Variants in PDS5B observed in about 807,000 individuals in gnomAD.
PDS5B encodes the protein sister chromatid cohesion protein PDS5 homolog B.
PDS5B carries 51 observed loss-of-function variants against 184.1 expected under a neutral mutation model. The observed-to-expected ratio is 0.28, with a 90% CI of 0.22 to 0.35. The LOEUF is 0.35. Ranked by LOEUF, PDS5B falls within the 10% of genes least tolerant of loss-of-function variation. PDS5B has a pLI of 1.00. For synonymous variants in PDS5B, 566 were observed against 569.2 expected, an observed-to-expected ratio of 0.99 and a Z score of 0.08; for missense variants, 1,180 against 1,723.3, an observed-to-expected ratio of 0.68 and a Z score of 5.58.
chr13:32,709,226 C>G (rs935039659), intron 18 of PDS5B, among the ~76,000 whole-genome samples: 2 of 151,840 alleles, frequency 1.3e-5, no homozygotes, highest in African/African-American at 4.8e-5. Flanking sequence ...TTAAAAAACC[C>G]TATCTTATAC....
rs184583557 is a variant in PDS5B at position 32,767,994 on chromosome 13, A to G, written c.3625-2127A>G. 2.0e-3 allele frequency among the ~76,000 whole-genome samples: 310 copies of G among 152,342 alleles called. 1 individual carries two copies. The highest frequency in any genetic ancestry group is 4.7e-3 in the African/African-American group (194 of 41,582). ...ATATAAAATAAAGGAAGCACTACAA[A>G]TCATTGATTCTGAAATGGTTGGATG... On this transcript the variant is annotated intron_variant, in intron 31 of 34. Transcript: ENST00000315596.
intron 6 of PDS5B, among the ~76,000 whole-genome samples, 165 bp from the exon 7 acceptor site, chr13:32,667,599 G>A (rs1490892021): frequency 1.3e-5 from 2 of 152,084 alleles, no homozygotes; most frequent in Non-Finnish European, 2.9e-5. Flanking sequence ...AGATCCAGTA[G>A]GCCAGTTAGT....
At chr13:32,735,145 A>G in intron 20 of PDS5B, 27 bp from the exon 21 acceptor site, 1 of 1,466,146 alleles carries the variant, frequency 6.8e-7, no homozygotes, top group Non-Finnish European at 9.2e-7. Flanking sequence ...GTAGAGTTGA[A>G]ATATATTTTC....
At chr13:32,690,456 A>G (rs1001173618) in intron 13 of PDS5B, 2 of 152,272 alleles carry the variant, frequency 1.3e-5, no homozygotes, top group Middle Eastern at 3.4e-3. Context: ...TTCTTTTGTC[A>G]TGTTAGTGAG....
chr13:32,712,872 T>C (rs1485643340), intron 19 of PDS5B, among the ~76,000 whole-genome samples: 2 of 152,130 alleles, frequency 1.3e-5, no homozygotes, highest in Non-Finnish European at 2.9e-5. Context: ...ATGAAGGAAA[T>C]ATCTTTTTAC....
chr13:32,622,313 A>T (rs965154883), intron 1 of PDS5B, among the ~76,000 whole-genome samples: 3 of 152,046 alleles, frequency 2.0e-5, no homozygotes, highest in Admixed American at 1.3e-4. Context: ...CTATTCAATT[A>T]TAATTATTTG....
intron 19 of PDS5B, among the ~76,000 whole-genome samples, chr13:32,725,496 C>A (rs1197260130): frequency 6.6e-6 from 1 of 152,040 alleles, no homozygotes; most frequent in Admixed American, 6.6e-5. Flanking sequence ...GGCCAATTCT[C>A]CGAGGGGCTC....
intron 2 of PDS5B, chr13:32,649,729 GTC>G (rs1950322481): frequency 6.6e-6 from 1 of 152,064 alleles, no homozygotes; most frequent in Non-Finnish European, 1.5e-5. Flanking sequence ...TTCACATAAA[GTC>G]TTAATATTGT....
At chr13:32,605,976 G>A (rs574248653) in intron 1 of PDS5B, among the ~76,000 whole-genome samples, 1 of 151,784 alleles carries the variant, frequency 6.6e-6, no homozygotes, top group East Asian at 1.9e-4. Flanking sequence ...CGTGTGAGAT[G>A]GGTCTCCTGA....
intron 1 of PDS5B, among the ~76,000 whole-genome samples, chr13:32,616,301 C>T (rs1020227075): frequency 7.2e-5 from 11 of 152,074 alleles, no homozygotes; most frequent in African/African-American, 1.2e-4. Context: ...GTGATCCACC[C>T]GCCTTGGCCT....
chr13:32,759,748 G>T, intron 29 of PDS5B, 58 bp downstream of exon 29: 3 of 771,462 alleles, frequency 3.9e-6, no homozygotes, highest in South Asian at 2.1e-5. Flanking sequence ...AGTGATTATT[G>T]GCAAAATTGT....
intron 15 of PDS5B, among the ~76,000 whole-genome samples, chr13:32,697,818 C>T (rs978818121): frequency 6.6e-6 from 1 of 152,146 alleles, no homozygotes; most frequent in African/African-American, 2.4e-5. Context: ...TCAAGCCATC[C>T]TCCTACCTCA....
chr13:32,660,684 G>C (rs1346755544), intron 6 of PDS5B, among the ~76,000 whole-genome samples: 2 of 152,198 alleles, frequency 1.3e-5, no homozygotes, highest in African/African-American at 4.8e-5. Flanking sequence ...TCGTGGAGAA[G>C]ACTTTGTTGG....
At chr13:32,615,257 G>A (rs1236556713) in intron 1 of PDS5B, among the ~76,000 whole-genome samples, 1 of 152,110 alleles carries the variant, frequency 6.6e-6, no homozygotes, top group Non-Finnish European at 1.5e-5. Flanking sequence ...CTATCTTGTT[G>A]CATGTAGTAG....
intron 17 of PDS5B, among the ~76,000 whole-genome samples, 183 bp downstream of exon 17, chr13:32,701,621 C>CAT (rs4057294): frequency 1.3e-3 from 189 of 150,500 alleles, no homozygotes; most frequent in East Asian, 1.8e-3. Flanking sequence ...CAGACACACA[C>CAT]ATATATATAT....
chr13:32,720,959 G>A lies in PDS5B; in HGVS notation c.2123+10853G>A, dbSNP rs991078982. Among the ~76,000 whole-genome samples, 15 of 152,082 alleles carry A rather than the reference G, an allele frequency of 9.9e-5. No individual in the cohort carries two copies. The East Asian group carries it at 1.7e-3, about 18-fold the overall frequency. On this transcript the variant is annotated intron_variant, in intron 19 of 34. Transcript: ENST00000315596. ...ATGTTTCAGAGAGCACGGGGTTGGG[G>A]GTAAGGTTATAGATTAACAGCATCC... is the stretch of plus-strand genomic sequence containing the variant.
chr13:32,637,246 TAAA>T (rs59600377), intron 1 of PDS5B, among the ~76,000 whole-genome samples: 106,925 of 151,754 alleles, frequency 0.7, 38,238 homozygotes, highest in African/African-American at 0.83. Flanking sequence ...TGAAGTAATG[TAAA>T]TGATTTCATT....
chr13:32,597,551 C>T (rs964009687), intron 1 of PDS5B, among the ~76,000 whole-genome samples: 25 of 149,560 alleles, frequency 1.7e-4, no homozygotes, highest in African/African-American at 4.9e-4. Flanking sequence ...AGAGGCCGGG[C>T]GCAGTGGCCC....
chr13:32,639,061 A>T (rs2058614440), intron 1 of PDS5B, among the ~76,000 whole-genome samples: 1 of 126,568 alleles, frequency 7.9e-6, no homozygotes, highest in Non-Finnish European at 1.6e-5. Flanking sequence ...CCACAATGGG[A>T]TATCGAGTTG....
Sources: allele counts gnomAD v4.1 joint callset (sites outside exome capture counted in the v4.1 genomes callset), GRCh38; gene constraint gnomAD v4.1.1; transcripts MANE v1.5; gene names NCBI Gene and HGNC (gene_info 2026-07-23, HGNC 2026-07-21).